NUGGC: variants seen among roughly 807,000 people sequenced by gnomAD.
NUGGC encodes the protein nuclear GTPase, germinal center associated.
In NUGGC, 58 loss-of-function variants were observed where a neutral mutation model predicts 92.6. That is an observed-to-expected ratio of 0.63 (90% confidence interval 0.51 to 0.78). NUGGC has a LOEUF of 0.78. NUGGC is among the 30% of genes least tolerant of loss of function. The probability of loss-of-function intolerance (pLI) is 0.00; values close to 1 mark genes in which losing one functional copy is unlikely to be tolerated. For synonymous variants in NUGGC, 376 were observed against 366.4 expected, an observed-to-expected ratio of 1.03 and a Z score of -0.30; for missense variants, 925 against 964.6, an observed-to-expected ratio of 0.96 and a Z score of 0.54.
intron 14 of NUGGC, 141 bp from the exon 15 acceptor site, chr8:28,031,522 C>T: frequency 1.2e-6 from 1 of 802,408 alleles, no homozygotes; most frequent in Non-Finnish European, 2.0e-6. Context: ...CTATAATGTG[C>T]CAGGCACTGT....
rs752925594 is a variant in NUGGC at position 28,023,453 on chromosome 8, C to T, written c.2255G>A (p.Ser752Asn). 6.2e-7 allele frequency: 1 copy of T among 1,613,430 alleles called. No homozygotes were observed. Among genetic ancestry groups the T allele is most frequent in the East Asian group, 2.2e-5 (1 of 44,884 alleles). ...GLYKELADVG[S>N]EYKEMEKLHR... ...CAGCTTCTCCATCTCCTTGTATTCA[C>T]TCCCGACATCTACAGGAGAGCAGAA... Residue 752 changes from serine (S) to asparagine (N), a missense_variant, in exon 19 of 19, where the codon AGT becomes AAT. By Grantham distance (46) the Ser-to-Asn change is conservative. Transcript: ENST00000413272.
At chr8:28,035,234 A>G (rs915829229) in intron 13 of NUGGC, among the ~76,000 whole-genome samples, 13 of 152,354 alleles carry the variant, frequency 8.5e-5, no homozygotes, top group African/African-American at 3.1e-4. Flanking sequence ...ATCATGGGAT[A>G]GAAACAGCTC....
At chr8:28,065,195 C>G (rs777600865) in intron 6 of NUGGC, among the ~76,000 whole-genome samples, 2 of 107,652 alleles carry the variant, frequency 1.9e-5, no homozygotes, top group Non-Finnish European at 1.7e-5. Flanking sequence ...GAGTCTTGCT[C>G]TGTTGCCCAG....
chr8:28,078,681 T>A (rs1371127079), intron 1 of NUGGC, among the ~76,000 whole-genome samples: 3 of 152,188 alleles, frequency 2.0e-5, no homozygotes, highest in Non-Finnish European at 2.9e-5. Context: ...TCATTGAAAC[T>A]GAGACCGTAC....
At chr8:28,072,382 C>A (rs181457836) in intron 2 of NUGGC, among the ~76,000 whole-genome samples, 1 of 152,228 alleles carries the variant, frequency 6.6e-6, no homozygotes, top group Non-Finnish European at 1.5e-5. Flanking sequence ...CTGAAGAACA[C>A]TTTAATCTGT....
At chr8:28,065,949 C>T (rs1376832750) in intron 6 of NUGGC, among the ~76,000 whole-genome samples, 1 of 152,140 alleles carries the variant, frequency 6.6e-6, no homozygotes, top group Non-Finnish European at 1.5e-5. Flanking sequence ...CCCCTTCCTA[C>T]AAGAGGGCTC....
intron 11 of NUGGC, among the ~76,000 whole-genome samples, chr8:28,046,501 T>A (rs1809839470): frequency 6.6e-6 from 1 of 152,036 alleles, no homozygotes; most frequent in Non-Finnish European, 1.5e-5. Flanking sequence ...AAACCTTATT[T>A]TTACTTCAGT....
chr8:28,049,808 A>T (rs1809942212), intron 10 of NUGGC, among the ~76,000 whole-genome samples: 1 of 152,210 alleles, frequency 6.6e-6, no homozygotes, highest in African/African-American at 2.4e-5. Context: ...AAGGGAGGCT[A>T]GGTGTGGTGG....
intron 5 of NUGGC, 146 bp from the exon 6 acceptor site, chr8:28,067,890 A>C: frequency 1.5e-6 from 1 of 674,114 alleles, no homozygotes; most frequent in Non-Finnish European, 2.5e-6. Flanking sequence ...CGAAGAGGGG[A>C]ATGGCTTGCC....
At chr8:28,042,664 C>A (rs17408141) in intron 12 of NUGGC, among the ~76,000 whole-genome samples, 4,335 of 152,304 alleles carry the variant, frequency 0.028, 118 homozygotes, top group Non-Finnish European at 0.045. Flanking sequence ...CCTGTGTCTT[C>A]TTCCCTGGAT....
chr8:28,030,143 G>A (rs1316399565), intron 16 of NUGGC, among the ~76,000 whole-genome samples, 167 bp downstream of exon 16: 1 of 152,160 alleles, frequency 6.6e-6, no homozygotes, highest in African/African-American at 2.4e-5. Flanking sequence ...CACAGAGAAG[G>A]GTCCTCACAC....
intron 1 of NUGGC, among the ~76,000 whole-genome samples, chr8:28,075,266 AG>A (rs1293862650): frequency 6.6e-6 from 1 of 152,154 alleles, no homozygotes; most frequent in Non-Finnish European, 1.5e-5. Context: ...TTCCACCAGG[AG>A]GACACCCCTC....
intron 2 of NUGGC, among the ~76,000 whole-genome samples, chr8:28,074,115 T>C (rs187921913): frequency 9.3e-4 from 141 of 152,094 alleles, no homozygotes; most frequent in African/African-American, 3.0e-3. Flanking sequence ...TTTTTTTTTT[T>C]TTTTTAAGGA....
intron 2 of NUGGC, among the ~76,000 whole-genome samples, chr8:28,071,046 C>T (rs910550288): frequency 3.3e-5 from 5 of 151,992 alleles, no homozygotes; most frequent in African/African-American, 1.2e-4. Flanking sequence ...CCCATAAACT[C>T]ATTTGGGAAA....
intron 10 of NUGGC, among the ~76,000 whole-genome samples, chr8:28,052,827 AAAGATTATGTT>A (rs1810039750): frequency 6.6e-6 from 1 of 152,186 alleles, no homozygotes; most frequent in African/African-American, 2.4e-5. Context: ...ATGTCTTTTA[AAAGATTATGTT>A]ATGATTCAGC....
intron 16 of NUGGC, among the ~76,000 whole-genome samples, chr8:28,029,954 A>C (rs1409993244): frequency 6.6e-6 from 1 of 152,196 alleles, no homozygotes; most frequent in East Asian, 1.9e-4. Flanking sequence ...CGACAGAGCC[A>C]CCAAAACAGG....
At chr8:28,054,452 A>G (rs992106932) in intron 10 of NUGGC, among the ~76,000 whole-genome samples, 2 of 152,226 alleles carry the variant, frequency 1.3e-5, no homozygotes, top group African/African-American at 4.8e-5. Context: ...ACTGCACTCC[A>G]GCCTGGGCAA....
chr8:28,079,618 A>C lies in NUGGC; in HGVS notation c.-47+4157T>G, dbSNP rs115852891. On this transcript the variant is annotated intron_variant, in intron 1 of 18. Transcript: ENST00000413272. Reference sequence around the variant, plus strand: ...GGGGAAGAAACTTGTCCAAGGTCACATAGTAAGATTATGGCAATGAGGGCT... The same window carrying C: ...GGGGAAGAAACTTGTCCAAGGTCACCTAGTAAGATTATGGCAATGAGGGCT... Among the ~76,000 whole-genome samples, 954 of 152,320 alleles carry C rather than the reference A, an allele frequency of 6.3e-3. 15 individuals are homozygous for C. Among genetic ancestry groups the C allele is most frequent in the African/African-American group, 0.021 (883 of 41,574 alleles).
chr8:28,060,239 C>T, intron 8 of NUGGC, 187 bp downstream of exon 8: 1 of 707,196 alleles, frequency 1.4e-6, no homozygotes, highest in Non-Finnish European at 2.5e-6. Context: ...GGTTCAGATT[C>T]CTAAGACAAC....
Sources: gnomAD v4.1 joint callset for allele counts (sites outside exome capture counted in the v4.1 genomes callset) on GRCh38, gnomAD v4.1.1 for gene constraint, MANE v1.5 for transcripts, NCBI Gene and HGNC (gene_info 2026-07-23, HGNC 2026-07-21) for gene names.